The following PLEKHM3 variants were observed in gnomAD, a reference collection of about 807,000 sequenced individuals.
PLEKHM3 encodes pleckstrin homology domain containing M3, also known as pleckstrin homology domain-containing family M member 3.
In PLEKHM3, 45 loss-of-function variants were observed where a neutral mutation model predicts 81.8. The observed-to-expected ratio is 0.55, with a 90% confidence interval of 0.43 to 0.71. The LOEUF (loss-of-function observed/expected upper bound fraction) is 0.71, where lower values mean the gene tolerates loss of function less well. Among genes scored for constraint, PLEKHM3 ranks in the 30% least tolerant of loss-of-function variants. The pLI, the probability that PLEKHM3 is intolerant of heterozygous loss-of-function variation, is 0.00. For synonymous variants in PLEKHM3, 352 were observed against 356.4 expected (o/e 0.99, Z 0.14); for missense variants, 788 against 924.3 (o/e 0.85, Z 1.91).
At chr2:207,836,638 T>C (rs1420036605) in intron 7 of PLEKHM3, among the ~76,000 whole-genome samples, 1 of 152,178 alleles carries the variant, frequency 6.6e-6, no homozygotes, top group Non-Finnish European at 1.5e-5. Context: ...GTGAGACCAA[T>C]TAGAGACAGG....
chr2:207,854,734 C>G (rs2092429143), intron 7 of PLEKHM3, among the ~76,000 whole-genome samples: 1 of 152,186 alleles, frequency 6.6e-6, no homozygotes, highest in Admixed American at 6.6e-5. Context: ...GACATTTGTA[C>G]AAGCTTAGAG....
At chr2:207,955,137 C>T (rs552762605) in intron 3 of PLEKHM3, among the ~76,000 whole-genome samples, 2 of 152,286 alleles carry the variant, frequency 1.3e-5, no homozygotes, top group East Asian at 1.9e-4. Context: ...ATCTGTAATA[C>T]AGATTTTCAC....
intron 6 of PLEKHM3, among the ~76,000 whole-genome samples, chr2:207,872,614 G>A (rs1427658715): frequency 6.6e-6 from 1 of 152,194 alleles, no homozygotes; most frequent in African/African-American, 2.4e-5. Flanking sequence ...GAGGGGGATG[G>A]ATCACCTGAG....
chr2:208,007,190 A>G (rs1692521530), intron 1 of PLEKHM3, among the ~76,000 whole-genome samples: 1 of 152,268 alleles, frequency 6.6e-6, no homozygotes, highest in South Asian at 2.1e-4. Flanking sequence ...AAAGACACCT[A>G]GGACAACTTA....
chr2:207,874,591 A>G (rs1470309945), intron 6 of PLEKHM3, among the ~76,000 whole-genome samples: 1 of 151,194 alleles, frequency 6.6e-6, no homozygotes, highest in Non-Finnish European at 1.5e-5. Flanking sequence ...AAACAAAAAA[A>G]CTGTATTTTC....
intron 6 of PLEKHM3, among the ~76,000 whole-genome samples, chr2:207,906,959 A>C (rs1351313063): frequency 6.6e-6 from 1 of 152,218 alleles, no homozygotes; most frequent in East Asian, 1.9e-4. Flanking sequence ...ATTCTTCTGG[A>C]TAAAACAACC....
chr2:208,021,303 A>G (rs866775273), intron 1 of PLEKHM3, among the ~76,000 whole-genome samples: 2 of 152,194 alleles, frequency 1.3e-5, no homozygotes, highest in South Asian at 2.1e-4. Context: ...TAAATCCATC[A>G]ATCTATGAGA....
At chr2:207,840,923 C>T (rs1178723045) in intron 7 of PLEKHM3, among the ~76,000 whole-genome samples, 1 of 150,366 alleles carries the variant, frequency 6.7e-6, no homozygotes, top group Non-Finnish European at 1.5e-5. Context: ...GCCTTAGCCT[C>T]TCAGGTGGCT....
chr2:207,923,855 GCACACACA>G (rs1157865708), intron 5 of PLEKHM3, among the ~76,000 whole-genome samples: 6 of 18,914 alleles, frequency 3.2e-4, no homozygotes, highest in African/African-American at 8.4e-4. Flanking sequence ...ACACACGCAC[GCACACACA>G]CACACACACA....
chr2:207,912,792 G>A (rs898148833), intron 5 of PLEKHM3, among the ~76,000 whole-genome samples: 2 of 152,152 alleles, frequency 1.3e-5, no homozygotes, highest in Admixed American at 6.5e-5. Flanking sequence ...AGAGGTAAGG[G>A]TTTCCAAGGC....
intron 3 of PLEKHM3, among the ~76,000 whole-genome samples, chr2:207,963,136 T>A (rs1013430952): frequency 4.6e-5 from 7 of 152,140 alleles, no homozygotes; most frequent in Admixed American, 3.3e-4. Context: ...TGTGCCGGGA[T>A]GGAGAGGGTG....
At chr2:207,908,674 G>A in intron 5 of PLEKHM3, 97 bp from the exon 6 acceptor site, 3 of 1,076,704 alleles carry the variant, frequency 2.8e-6, no homozygotes, top group South Asian at 3.0e-5. Flanking sequence ...CCTTTCCTCT[G>A]CCCTGTCCAC....
At chr2:207,914,893 G>T (rs1457131652) in intron 5 of PLEKHM3, among the ~76,000 whole-genome samples, 1 of 152,144 alleles carries the variant, frequency 6.6e-6, no homozygotes, top group African/African-American at 2.4e-5. Context: ...TAATCATCAT[G>T]TCTGGCAGCA....
intron 6 of PLEKHM3, among the ~76,000 whole-genome samples, chr2:207,873,323 A>G (rs546436128): frequency 6.6e-6 from 1 of 152,324 alleles, no homozygotes; most frequent in South Asian, 2.1e-4. Context: ...AGTAAGCTCT[A>G]TGACCTTTTC....
intron 6 of PLEKHM3, among the ~76,000 whole-genome samples, chr2:207,862,884 T>C (rs2092474880): frequency 6.6e-6 from 1 of 152,176 alleles, no homozygotes; most frequent in Non-Finnish European, 1.5e-5. Flanking sequence ...ATAATGGTGG[T>C]TCCATTCAAT....
At position 207,830,162 on chromosome 2, in the gene PLEKHM3, A is replaced by C. The variant is rs76611783; in HGVS notation, c.2109-1666T>G. ...CAGCTTGGCTCTCTGGGTCAAGTGA[A>C]ACATACAGGTGGTGAGGCCAGCCAG... On this transcript the variant is annotated intron_variant, in intron 7 of 7. Coordinates refer to ENST00000427836, the MANE Select transcript of PLEKHM3 (RefSeq NM_001080475.3). Among the ~76,000 whole-genome samples, 132 of 152,208 alleles carry C rather than the reference A, an allele frequency of 8.7e-4. 2 individuals carry two copies. In the East Asian group the frequency reaches 0.015, roughly 18 times the overall value.
rs923863129 is a variant in PLEKHM3 at position 207,970,237 on chromosome 2, T to C, written c.1546+6414A>G. Among the ~76,000 whole-genome samples the C allele has an allele frequency of 7.3e-5, 11 of 150,446 alleles. No individual in the cohort carries two copies. The East Asian group carries it at 2.2e-3, about 29-fold the overall frequency. On this transcript the variant is annotated intron_variant, in intron 3 of 7. Coordinates refer to ENST00000427836, the MANE Select transcript of PLEKHM3 (RefSeq NM_001080475.3). ...GAGAGAGAGGAGAGGAAAGAGGAGG[T>C]AGGGTGGGGCAAAGAAAAACTAGAG...
At chr2:207,903,236 C>T (rs943352400) in intron 6 of PLEKHM3, among the ~76,000 whole-genome samples, 2 of 152,244 alleles carry the variant, frequency 1.3e-5, no homozygotes, top group Admixed American at 1.3e-4. Flanking sequence ...AGAATCTAAA[C>T]TGCCCTCACC....
chr2:207,930,187 C>T (rs779565705), intron 5 of PLEKHM3, among the ~76,000 whole-genome samples: 31 of 152,044 alleles, frequency 2.0e-4, no homozygotes, highest in Non-Finnish European at 3.5e-4. Flanking sequence ...CAGCCTGCAC[C>T]CACGGTAAGA....
Sources: allele counts gnomAD v4.1 joint callset (sites outside exome capture counted in the v4.1 genomes callset), GRCh38; gene constraint gnomAD v4.1.1; transcripts MANE v1.5; gene names NCBI Gene and HGNC (gene_info 2026-07-23, HGNC 2026-07-21).